HDAC9: variants seen among roughly 807,000 people sequenced by gnomAD.
HDAC9 encodes MEF-2 interacting transcription repressor (MITR) protein.
Under a neutral mutation model 139.4 loss-of-function variants are expected in HDAC9, and 41 were observed. The observed-to-expected ratio is 0.29, with a 90% confidence interval of 0.23 to 0.38. HDAC9 has a LOEUF of 0.38. Among genes scored for constraint, HDAC9 ranks in the 10% least tolerant of loss-of-function variants. The probability of loss-of-function intolerance (pLI) is 1.00; values close to 1 mark genes in which losing one functional copy is unlikely to be tolerated. For synonymous variants in HDAC9, 517 were observed against 476.2 expected, an observed-to-expected ratio of 1.09 and a Z score of -1.12; for missense variants, 1,147 against 1,297.0, an observed-to-expected ratio of 0.88 and a Z score of 1.78.
chr7:18,138,935 A>G (rs1248607813), intron 1 of HDAC9, among the ~76,000 whole-genome samples: 2 of 152,014 alleles, frequency 1.3e-5, no homozygotes, highest in Admixed American at 1.3e-4. Context: ...CAACAAATAA[A>G]TGCTATGATT....
chr7:18,507,608 C>T (rs1484021835), intron 2 of HDAC9, among the ~76,000 whole-genome samples: 1 of 152,146 alleles, frequency 6.6e-6, no homozygotes, highest in African/African-American at 2.4e-5. Context: ...TATTCTGCCT[C>T]AGCCTCCTGA....
At chr7:18,326,216 C>T (rs1361535612) in intron 1 of HDAC9, among the ~76,000 whole-genome samples, 2 of 151,998 alleles carry the variant, frequency 1.3e-5, no homozygotes, top group South Asian at 2.1e-4. Flanking sequence ...TTCATTTTTG[C>T]TGGCAAAAGG....
chr7:18,366,166 G>A (rs1297007545), intron 1 of HDAC9, among the ~76,000 whole-genome samples: 1 of 152,052 alleles, frequency 6.6e-6, no homozygotes, highest in African/African-American at 2.4e-5. Flanking sequence ...ATTATATAGA[G>A]ATAAGGTGGA....
upstream of HDAC9, among the ~76,000 whole-genome samples, chr7:18,285,453 C>T (rs911263101): frequency 5.3e-5 from 8 of 152,180 alleles, no homozygotes; most frequent in African/African-American, 1.9e-4. Context: ...TCACTATCCA[C>T]ATCCTTGATT....
chr7:18,270,572 T>C (rs1418015390), intron 2 of HDAC9, among the ~76,000 whole-genome samples: 5 of 152,180 alleles, frequency 3.3e-5, no homozygotes, highest in Non-Finnish European at 7.3e-5. Context: ...TAAACGTTAT[T>C]TTTTCTGTAA....
chr7:18,144,226 G>C (rs796141114), intron 1 of HDAC9, among the ~76,000 whole-genome samples: 1 of 152,146 alleles, frequency 6.6e-6, no homozygotes, highest in Non-Finnish European at 1.5e-5. Context: ...TTAAATACCA[G>C]CTCTAAGAGG....
At chr7:18,466,972 TTTTCTC>T (rs1278031772) in intron 1 of HDAC9, among the ~76,000 whole-genome samples, 1 of 152,152 alleles carries the variant, frequency 6.6e-6, no homozygotes, top group Non-Finnish European at 1.5e-5. Flanking sequence ...TGCTTGACTA[TTTTCTC>T]TTTCTCTAAG....
At chr7:18,794,546 A>G (rs937099377) in intron 17 of HDAC9, among the ~76,000 whole-genome samples, 1 of 152,342 alleles carries the variant, frequency 6.6e-6, no homozygotes. Flanking sequence ...GCCTGTATAT[A>G]TTTGACATAA....
At chr7:18,110,005 T>C (rs1317620204) in intron 1 of HDAC9, among the ~76,000 whole-genome samples, 1 of 152,140 alleles carries the variant, frequency 6.6e-6, no homozygotes, top group Non-Finnish European at 1.5e-5. Flanking sequence ...CAGAATGATG[T>C]TTTTTTGGCC....
chr7:18,946,684 T>A (rs1782428806), intron 23 of HDAC9, among the ~76,000 whole-genome samples: 1 of 151,942 alleles, frequency 6.6e-6, no homozygotes, highest in East Asian at 1.9e-4. Flanking sequence ...AAGAACCAAA[T>A]GAAAAAATTG....
intron 1 of HDAC9, among the ~76,000 whole-genome samples, chr7:18,388,401 A>G (rs1786145600): frequency 6.6e-6 from 1 of 152,106 alleles, no homozygotes; most frequent in South Asian, 2.1e-4. Flanking sequence ...AAGCCCCAAT[A>G]TTGTTTTGTG....
At chr7:18,921,130 G>A (rs544513700) in intron 22 of HDAC9, among the ~76,000 whole-genome samples, 21 of 152,062 alleles carry the variant, frequency 1.4e-4, no homozygotes, top group South Asian at 1.2e-3. Context: ...CATAAAAACC[G>A]TAGAAGAAAA....
At chr7:18,695,743 A>C (rs1782995324) in intron 12 of HDAC9, among the ~76,000 whole-genome samples, 1 of 152,226 alleles carries the variant, frequency 6.6e-6, no homozygotes. Flanking sequence ...CAACCAAAAA[A>C]AGAGCACAAC....
rs1290068305 is a variant in HDAC9, at chr7:18,496,244, A to G, written c.-41-18A>G. On this transcript the variant is annotated intron_variant, in intron 1 of 25. Coordinates refer to ENST00000686413, the MANE Select transcript of HDAC9 (RefSeq NM_178425.4). ...ATGCTGCAGACAATTTACGAGAGTG[A>G]CTCCTGTTTTTCCTCAGATGGGGTG... is the stretch of plus-strand genomic sequence containing the variant. 1 of 1,612,004 alleles carries G rather than the reference A, an allele frequency of 6.2e-7. No individual in the cohort carries two copies. Among genetic ancestry groups the G allele is most frequent in the Admixed American group, 1.7e-5 (1 of 59,836 alleles).
chr7:18,438,569 T>G (rs1791438376), intron 1 of HDAC9, among the ~76,000 whole-genome samples: 1 of 152,128 alleles, frequency 6.6e-6, no homozygotes, highest in Admixed American at 6.6e-5. Flanking sequence ...TACTTTAGAA[T>G]AGAAACATAT....
chr7:18,648,410 A>ATG (rs145105320), intron 10 of HDAC9, 56 bp from the exon 11 acceptor site: 36,713 of 1,029,428 alleles, frequency 0.036, 318 homozygotes, highest in African/African-American at 0.11. Context: ...GTGTGTGTGT[A>ATG]TGTGTGTGTG....
rs398003855 is a variant in HDAC9 at position 18,299,237 on chromosome 7, T to TG, written c.-42+8723dup. On this transcript the variant is annotated intron_variant, in intron 1 of 3. Transcript: ENST00000413509. ...CTCTTAAGATTTTTTTTTTTTTTTTTGCAACACTGCATAAAATTTGAAGTA... is the reference window on the plus strand; with the variant it reads ...CTCTTAAGATTTTTTTTTTTTTTTTTGGCAACACTGCATAAAATTTGAAGTA... Among the ~76,000 whole-genome samples the TG allele has an allele frequency of 1.6e-3, 233 of 149,656 alleles. 1 individual carries two copies. The highest frequency in any genetic ancestry group is 5.5e-3 in the African/African-American group (221 of 40,162).
At chr7:18,127,686 A>G (rs1249394483) in intron 1 of HDAC9, among the ~76,000 whole-genome samples, 1 of 152,160 alleles carries the variant, frequency 6.6e-6, no homozygotes, top group Non-Finnish European at 1.5e-5. Context: ...GCTTTAATGC[A>G]GGGTAACTCT....
chr7:18,967,701 T>C (rs1041895840), intron 24 of HDAC9, among the ~76,000 whole-genome samples: 1 of 152,198 alleles, frequency 6.6e-6, no homozygotes, highest in Admixed American at 6.5e-5. Context: ...TAAGATTTAA[T>C]TATGAAGTTA....
Sources: allele counts gnomAD v4.1 joint callset (sites outside exome capture counted in the v4.1 genomes callset), GRCh38; gene constraint gnomAD v4.1.1; transcripts MANE v1.5; gene names NCBI Gene and HGNC (gene_info 2026-07-23, HGNC 2026-07-21).